The following DAAM1 variants were observed in gnomAD, a reference collection of about 807,000 sequenced individuals.
The protein encoded by DAAM1 is disheveled-associated activator of morphogenesis 1.
DAAM1 carries 52 observed loss-of-function variants against 130.0 expected under a neutral mutation model. The observed-to-expected ratio is 0.40, with a 90% confidence interval of 0.32 to 0.50. The LOEUF (loss-of-function observed/expected upper bound fraction) is 0.50, where lower values mean the gene tolerates loss of function less well. DAAM1 is among the 20% of genes least tolerant of loss of function. The pLI is 0.61. For missense variants in DAAM1, 1,134 were observed against 1,303.8 expected, an observed-to-expected ratio of 0.87 and a Z score of 2.01; for synonymous variants, 452 against 444.5, an observed-to-expected ratio of 1.02 and a Z score of -0.21.
intron 1 of DAAM1, among the ~76,000 whole-genome samples, chr14:59,225,019 G>GGTTTTTTTTTTT (rs1566656869): frequency 1.1e-5 from 1 of 90,784 alleles, no homozygotes; most frequent in Non-Finnish European, 2.1e-5. Flanking sequence ...ATCTGTGTGG[G>GGTTTTTTTTTTT]TTTTTTTTTT....
At chr14:59,222,954 C>G (rs1888824633) in intron 1 of DAAM1, among the ~76,000 whole-genome samples, 1 of 152,208 alleles carries the variant, frequency 6.6e-6, no homozygotes, top group Non-Finnish European at 1.5e-5. Flanking sequence ...GAGGATTTCC[C>G]TTCACCACTG....
At chr14:59,211,146 AAC>A (rs1888414423) in intron 1 of DAAM1, among the ~76,000 whole-genome samples, 1 of 152,200 alleles carries the variant, frequency 6.6e-6, no homozygotes, top group South Asian at 2.1e-4. Flanking sequence ...AGGTAATTTA[AAC>A]AGAGAAATAA....
chr14:59,294,445 A>T (rs1883872374), intron 3 of DAAM1, among the ~76,000 whole-genome samples: 1 of 152,222 alleles, frequency 6.6e-6, no homozygotes, highest in East Asian at 1.9e-4. Context: ...TGTCTAATTG[A>T]GTAATCTTGG....
At chr14:59,196,568 C>T (rs928926631) in intron 1 of DAAM1, among the ~76,000 whole-genome samples, 6 of 152,044 alleles carry the variant, frequency 3.9e-5, no homozygotes, top group African/African-American at 1.4e-4. Flanking sequence ...ACGGTGAAAC[C>T]CCATCTCTAC....
intron 15 of DAAM1, 145 bp from the exon 16 acceptor site, chr14:59,339,929 C>T (rs936067563): frequency 7.3e-6 from 4 of 545,840 alleles, no homozygotes; most frequent in Middle Eastern, 4.8e-4. Flanking sequence ...TTCCATCATT[C>T]TCCACACTTC....
At chr14:59,259,703 G>A (rs1882077710) in intron 1 of DAAM1, among the ~76,000 whole-genome samples, 1 of 152,210 alleles carries the variant, frequency 6.6e-6, no homozygotes, top group African/African-American at 2.4e-5. Context: ...TGACTCCCAT[G>A]TCCTAATGTA....
chr14:59,291,461 A>G (rs571167940), intron 3 of DAAM1, 155 bp downstream of exon 3: 1 of 581,108 alleles, frequency 1.7e-6, no homozygotes, highest in East Asian at 3.2e-5. Context: ...AGCCAGTGTC[A>G]ATTCCCTGGA....
chr14:59,355,459 C>T (rs1886440615), intron 20 of DAAM1, 126 bp downstream of exon 20: 2 of 1,163,572 alleles, frequency 1.7e-6, no homozygotes, highest in South Asian at 3.2e-5. Flanking sequence ...CTCTTTCTCA[C>T]TACTTTCTTC....
intron 23 of DAAM1, among the ~76,000 whole-genome samples, chr14:59,367,203 G>A (rs1046889084): frequency 3.9e-5 from 6 of 152,020 alleles, no homozygotes; most frequent in Admixed American, 1.3e-4. Flanking sequence ...CTGGAGAATC[G>A]CTTGAACCCG....
At position 59,363,621 on chromosome 14, in the gene DAAM1, C is replaced by T. The variant is rs749505782; in HGVS notation, c.2695-30C>T. 5.6e-6 allele frequency: 9 copies of T among 1,613,222 alleles called. 1 individual carries two copies. The African/African-American group carries it at 1.1e-4, about 19-fold the overall frequency. On this transcript the variant is annotated intron_variant, in intron 22 of 24. Coordinates refer to ENST00000360909, the MANE Select transcript of DAAM1 (RefSeq NM_001270520.2). ...GTCTCATGTCTGTATTTGAAGCCTG[C>T]ATTGACATTATTCATTTCCTGTGTT...
At position 59,352,582 on chromosome 14, in the gene DAAM1, C is replaced by G; in HGVS notation, c.2217C>G (p.His739Gln). 1.2e-6 allele frequency: 2 copies of G among 1,613,560 alleles called. No individual in the cohort carries two copies. Among genetic ancestry groups the G allele is most frequent in the Non-Finnish European group, 1.7e-6 (2 of 1,179,794 alleles). Residue 739 changes from histidine to glutamine, a missense_variant, in exon 18 of 25, where the codon CAC becomes CAG. This residue lies in a region of DAAM1 where 644 missense variants were observed against 695.9 expected (regional missense o/e 0.93). Transcript: ENST00000360909. ...TTGACCTATTGGAGGAACATAAACA[C>G]GAACTGGATCGGATGGCCAAGGCTG... ...SDIDLLEEHK[H>Q]ELDRMAKADR...
At chr14:59,263,721 A>T (rs752247792) in intron 2 of DAAM1, 61 bp downstream of exon 2, 1 of 1,606,690 alleles carries the variant, frequency 6.2e-7, no homozygotes, top group African/African-American at 1.3e-5. Context: ...AGAGGAGAGG[A>T]TGTGAATGAG....
At chr14:59,296,913 CA>C (rs1883974891) in intron 3 of DAAM1, among the ~76,000 whole-genome samples, 1 of 152,142 alleles carries the variant, frequency 6.6e-6, no homozygotes. Context: ...AACTTTTGAA[CA>C]ATGAAGTCAG....
intron 21 of DAAM1, among the ~76,000 whole-genome samples, 188 bp downstream of exon 21, chr14:59,359,692 CTTCTT>C (rs1394822492): frequency 5.3e-5 from 8 of 152,218 alleles, no homozygotes; most frequent in African/African-American, 1.9e-4. Flanking sequence ...TTTGTTCTAG[CTTCTT>C]TGGAATACTG....
chr14:59,365,498 A>G (rs1886880302), intron 23 of DAAM1, among the ~76,000 whole-genome samples: 1 of 152,236 alleles, frequency 6.6e-6, no homozygotes, highest in Admixed American at 6.5e-5. Context: ...TAAACATTGA[A>G]AACAACTCCT....
intron 2 of DAAM1, among the ~76,000 whole-genome samples, chr14:59,285,150 A>G (rs1883385577): frequency 6.6e-6 from 1 of 152,170 alleles, no homozygotes; most frequent in South Asian, 2.1e-4. Context: ...TTCAGGGACT[A>G]TTTTCAATAT....
At chr14:59,284,963 C>T (rs1201866891) in intron 2 of DAAM1, among the ~76,000 whole-genome samples, 2 of 152,016 alleles carry the variant, frequency 1.3e-5, no homozygotes, top group East Asian at 1.9e-4. Flanking sequence ...CAGAGAACTC[C>T]TATGAGAAAC....
intron 1 of DAAM1, among the ~76,000 whole-genome samples, chr14:59,257,687 C>T (rs1007625343): frequency 6.6e-6 from 1 of 152,184 alleles, no homozygotes; most frequent in Non-Finnish European, 1.5e-5. Flanking sequence ...GACCTCCTTC[C>T]AGCACGTAAC....
chr14:59,219,030 G>C (rs185718336), intron 1 of DAAM1, among the ~76,000 whole-genome samples: 3 of 152,192 alleles, frequency 2.0e-5, no homozygotes, highest in African/African-American at 7.2e-5. Flanking sequence ...GCAGTTATTG[G>C]AAAGACCCTT....
Sources: allele counts gnomAD v4.1 joint callset (sites outside exome capture counted in the v4.1 genomes callset), GRCh38; gene constraint gnomAD v4.1.1; regional missense constraint gnomAD v4.1.1; transcripts MANE v1.5; gene names NCBI Gene and HGNC (gene_info 2026-07-23, HGNC 2026-07-21).